Variants in USP34 observed in about 807,000 individuals in gnomAD.
USP34 encodes the protein ubiquitin carboxyl-terminal hydrolase 34.
USP34 carries 70 observed loss-of-function variants against 460.3 expected under a neutral mutation model. The ratio of observed to expected loss-of-function variants is 0.15; its 90% CI spans 0.13 to 0.19. USP34 has a LOEUF of 0.19. USP34 is among the 10% of genes least tolerant of loss of function. The pLI is 1.00. For missense variants in USP34, 3,985 were observed against 4,236.2 expected (o/e 0.94, Z 1.65); for synonymous variants, 1,647 against 1,405.3 (o/e 1.17, Z -3.85).
intron 4 of USP34, 40 bp downstream of exon 4, chr2:61,395,139 AAAAT>A (rs776376068): frequency 2.0e-5 from 30 of 1,482,034 alleles, no homozygotes; most frequent in Non-Finnish European, 2.7e-5. Context: ...CTTTGTTAAA[AAAAT>A]AAAATTTTCC....
At chr2:61,307,756 G>C (rs1379023960) in intron 27 of USP34, among the ~76,000 whole-genome samples, 5 of 151,990 alleles carry the variant, frequency 3.3e-5, no homozygotes, top group African/African-American at 9.7e-5. Flanking sequence ...TAGAAAGAAG[G>C]GTCTGAAAAG....
intron 1 of USP34, among the ~76,000 whole-genome samples, chr2:61,469,879 G>C (rs1302128969): frequency 2.0e-5 from 3 of 152,148 alleles, no homozygotes; most frequent in African/African-American, 4.8e-5. Context: ...AAAAAGGCCA[G>C]AAAAGATCAA....
chr2:61,277,903 G>C (rs866921051), intron 41 of USP34: 18 of 380,770 alleles, frequency 4.7e-5, no homozygotes, highest in African/African-American at 2.7e-4. Flanking sequence ...AACCGCTTTC[G>C]CTTGGTTCTC....
chr2:61,416,462 T>C (rs964442302), intron 2 of USP34, among the ~76,000 whole-genome samples: 1 of 152,174 alleles, frequency 6.6e-6, no homozygotes, highest in Non-Finnish European at 1.5e-5. Context: ...AAAAAGTTGA[T>C]AGGTAGGAGA....
rs369150429 is a variant in USP34, at chr2:61,257,082, T to A, written c.6018A>T (p.Gly2006=). Reference sequence around the variant, plus strand: ...ATACAACATTGTTTGTAATTACACCTCCAAATAAACTTTTGACGGTATTTT... The same window carrying A: ...ATACAACATTGTTTGTAATTACACCACCAAATAAACTTTTGACGGTATTTT... The part of the protein sequence containing the change: ...ELKNTVKSLF[G]GVITNNVVSL... The change falls in exon 46 of 80, where the codon GGA becomes GGT. Residue 2006 remains glycine (G), a synonymous_variant. Transcript: ENST00000398571. The A allele has an allele frequency of 6.8e-5, 107 of 1,581,790 alleles. No homozygotes were observed. The highest frequency in any genetic ancestry group is 8.8e-5 in the Non-Finnish European group (103 of 1,167,534).
At chr2:61,269,214 A>T (rs1200656783) in intron 41 of USP34, among the ~76,000 whole-genome samples, 1 of 152,126 alleles carries the variant, frequency 6.6e-6, no homozygotes, top group Non-Finnish European at 1.5e-5. Flanking sequence ...CAGGCTAGCG[A>T]CAGTGGTGGG....
chr2:61,357,073 G>A (rs1692130550), intron 10 of USP34, among the ~76,000 whole-genome samples: 1 of 152,108 alleles, frequency 6.6e-6, no homozygotes, highest in South Asian at 2.1e-4. Context: ...TAGAGAATCT[G>A]AACAACACAA....
chr2:61,274,127 C>A (rs1172643094), intron 41 of USP34, among the ~76,000 whole-genome samples: 1 of 151,548 alleles, frequency 6.6e-6, no homozygotes, highest in Non-Finnish European at 1.5e-5. Flanking sequence ...AGGTGGTTCA[C>A]GCCTGTAATG....
At chr2:61,225,646 T>C (rs888101410) in intron 62 of USP34, among the ~76,000 whole-genome samples, 1 of 152,172 alleles carries the variant, frequency 6.6e-6, no homozygotes, top group Non-Finnish European at 1.5e-5. Flanking sequence ...TTCTATAAAG[T>C]GTGGCAAATA....
chr2:61,350,421 G>A (rs1051074001), intron 11 of USP34, 32 bp from the exon 12 acceptor site: 2 of 1,592,752 alleles, frequency 1.3e-6, no homozygotes, highest in Admixed American at 1.8e-5. Context: ...TTCAGTTTGA[G>A]AATTCCAGGC....
At chr2:61,315,541 T>C (rs1690717086) in intron 23 of USP34, among the ~76,000 whole-genome samples, 1 of 152,010 alleles carries the variant, frequency 6.6e-6, no homozygotes, top group Admixed American at 6.5e-5. Flanking sequence ...ATCTGGCTAA[T>C]TTTTTTGTAT....
At chr2:61,396,591 C>T (rs1267842503) in intron 3 of USP34, among the ~76,000 whole-genome samples, 1 of 151,936 alleles carries the variant, frequency 6.6e-6, no homozygotes, top group Non-Finnish European at 1.5e-5. Flanking sequence ...TGGGTTCACG[C>T]CATTCTCCTG....
At chr2:61,265,262 C>A (rs1689014554) in intron 43 of USP34, 135 bp downstream of exon 43, 2 of 890,306 alleles carry the variant, frequency 2.2e-6, no homozygotes, top group East Asian at 5.4e-5. Context: ...TACACATTAG[C>A]TAGTTACTGT....
At chr2:61,249,626 C>G (rs1688519524) in intron 48 of USP34, among the ~76,000 whole-genome samples, 1 of 152,186 alleles carries the variant, frequency 6.6e-6, no homozygotes, top group Non-Finnish European at 1.5e-5. Context: ...CTCCTGCTCG[C>G]CCTTTTCCAA....
chr2:61,285,275 G>A (rs1454948871), intron 34 of USP34, among the ~76,000 whole-genome samples: 1 of 152,024 alleles, frequency 6.6e-6, no homozygotes, highest in Non-Finnish European at 1.5e-5. Context: ...GATTGCTTGA[G>A]CCCAGAAATC....
chr2:61,205,997 G>T lies in USP34; in HGVS notation c.9154+20C>A, dbSNP rs1054794253. 3.2e-6 allele frequency: 5 copies of T among 1,576,176 alleles called. No individual in the cohort carries two copies. Among genetic ancestry groups the T allele is most frequent in the Non-Finnish European group, 4.4e-6 (5 of 1,146,744 alleles). Reference sequence around the variant, plus strand: ...TCTTCCACTAGGTTTTTACACGGGTGAATTTTTCAAGTAACTTACCTATAC... The same window carrying T: ...TCTTCCACTAGGTTTTTACACGGGTTAATTTTTCAAGTAACTTACCTATAC... On this transcript the variant is annotated intron_variant, in intron 72 of 79. Transcript: ENST00000398571.
In USP34 at chr2:61,188,495, T is replaced by G; in HGVS notation, c.10248A>C (p.Arg3416=). The G allele has an allele frequency of 1.5e-5, 25 of 1,614,226 alleles. No individual in the cohort carries two copies. The highest frequency in any genetic ancestry group is 2.1e-5 in the Non-Finnish European group (25 of 1,180,032). ...SPENSSVKEY[R]MEVPSSFSED... ...CTGAAAACGAAGATGGAACTTCCAT[T>G]CGGTATTCTTTAACAGAACTATTTT... Residue 3416 remains arginine, a synonymous_variant, in exon 80 of 80, where the codon CGA becomes CGC. Transcript: ENST00000398571.
intron 29 of USP34, among the ~76,000 whole-genome samples, chr2:61,298,572 A>AAAAAAAAAAAAAAAAAAC (rs1690115222): frequency 7.7e-6 from 1 of 130,154 alleles, no homozygotes; most frequent in Non-Finnish European, 1.7e-5. Context: ...AAAAAAAAAA[A>AAAAAAAAAAAAAAAAAAC]TCTGCTGAAA....
Position 61,283,400 on chromosome 2 carries a change from A to C in USP34, c.4873+9T>G. 1.3e-6 allele frequency: 2 copies of C among 1,599,070 alleles called. No homozygotes were observed. The highest frequency in any genetic ancestry group is 1.7e-6 in the Non-Finnish European group (2 of 1,175,034). On this transcript the variant is annotated intron_variant, in intron 36 of 79. Transcript: ENST00000398571. ...TATTTATTAAAAGTTAACTTTGTGG[A>C]ACCCTTACCTTCATGTCTAGACCTG...
Sources: allele counts gnomAD v4.1 joint callset (sites outside exome capture counted in the v4.1 genomes callset), GRCh38; gene constraint gnomAD v4.1.1; transcripts MANE v1.5; gene names NCBI Gene and HGNC (gene_info 2026-07-23, HGNC 2026-07-21).